SGCZ: variants seen among roughly 807,000 people sequenced by gnomAD.
The protein encoded by SGCZ is zeta-sarcoglycan.
In SGCZ, 40 loss-of-function variants were observed where a neutral mutation model predicts 41.3. The ratio of observed to expected loss-of-function variants is 0.97; its 90% CI spans 0.75 to 1.26. The LOEUF is 1.26. SGCZ is among the 50% of genes most tolerant of loss of function. SGCZ has a pLI of 0.00. For synonymous variants in SGCZ, 206 were observed against 137.5 expected, an observed-to-expected ratio of 1.50 and a Z score of -3.49; for missense variants, 552 against 369.8, an observed-to-expected ratio of 1.49 and a Z score of -4.04.
At chr8:15,031,906 T>A (rs1585492513) in intron 1 of SGCZ, among the ~76,000 whole-genome samples, 3 of 128,796 alleles carry the variant, frequency 2.3e-5, no homozygotes, top group African/African-American at 1.2e-4. Flanking sequence ...TATATTCCTC[T>A]CTCTCTCTCT....
At chr8:14,759,423 G>T (rs1193208671) in intron 1 of SGCZ, among the ~76,000 whole-genome samples, 1 of 152,002 alleles carries the variant, frequency 6.6e-6, no homozygotes, top group African/African-American at 2.4e-5. Flanking sequence ...TCCATTGTAG[G>T]TAGTCTCAAA....
At chr8:14,521,230 C>A (rs565865071) in intron 2 of SGCZ, among the ~76,000 whole-genome samples, 14 of 152,246 alleles carry the variant, frequency 9.2e-5, no homozygotes, top group African/African-American at 3.4e-4. Context: ...ACTCCATGAT[C>A]CCTGACAACC....
At chr8:14,214,227 G>A (rs1170970063) in intron 4 of SGCZ, among the ~76,000 whole-genome samples, 3 of 152,018 alleles carry the variant, frequency 2.0e-5, no homozygotes, top group Non-Finnish European at 4.4e-5. Flanking sequence ...CCCAATCGAA[G>A]GGCAGTCTAC....
In SGCZ at chr8:14,962,343, C is replaced by T. The variant is rs76082337; in HGVS notation, c.39+275242G>A. On this transcript the variant is annotated intron_variant, in intron 1 of 7. Transcript: ENST00000382080. ...ATGTTGATAGCTATTACCCTTTTAA[C>T]AAGGAATATGAAAAAAGGGGAAAAA... Among the ~76,000 whole-genome samples, 1,066 of 150,952 alleles carry T rather than the reference C, an allele frequency of 7.1e-3. 20 individuals carry two copies. The highest frequency in any genetic ancestry group is 0.024 in the African/African-American group (997 of 41,106).
intron 1 of SGCZ, among the ~76,000 whole-genome samples, chr8:15,206,364 A>G (rs934006742): frequency 6.6e-6 from 1 of 152,030 alleles, no homozygotes; most frequent in African/African-American, 2.4e-5. Context: ...TCTTGAGAGT[A>G]GTGACTTACC....
At chr8:14,418,461 G>A (rs938094983) in intron 2 of SGCZ, among the ~76,000 whole-genome samples, 3 of 151,888 alleles carry the variant, frequency 2.0e-5, no homozygotes, top group African/African-American at 7.2e-5. Context: ...TTGTCTTGCT[G>A]TCAGGAAGAT....
At chr8:14,714,491 T>C (rs1225561477) in intron 1 of SGCZ, among the ~76,000 whole-genome samples, 4 of 152,214 alleles carry the variant, frequency 2.6e-5, no homozygotes, top group Non-Finnish European at 5.9e-5. Flanking sequence ...GGAATATTTT[T>C]TTTCAGTGAA....
intron 1 of SGCZ, among the ~76,000 whole-genome samples, chr8:15,100,312 A>G (rs1806555626): frequency 1.3e-5 from 2 of 152,204 alleles, no homozygotes; most frequent in South Asian, 4.1e-4. Flanking sequence ...TCAGCACCAA[A>G]AAAATGTAAT....
In SGCZ at chr8:14,731,882, A is replaced by T. The variant is rs566644515; in HGVS notation, c.40-176956T>A. 5.7e-4 allele frequency among the ~76,000 whole-genome samples: 87 copies of T among 152,148 alleles called. 1 individual carries two copies. Among genetic ancestry groups the T allele is most frequent in the Middle Eastern group, 6.8e-3 (2 of 294 alleles). On this transcript the variant is annotated intron_variant, in intron 1 of 7. Transcript: ENST00000382080. The stretch of plus-strand genomic sequence containing the variant: ...GGTCTCCTTAAGCTCCCCACTCAAA[A>T]CACCTAGCAGATCTCTGACCTATTA...
chr8:14,597,927 C>T (rs748071625), intron 1 of SGCZ, among the ~76,000 whole-genome samples: 1 of 152,138 alleles, frequency 6.6e-6, no homozygotes, highest in Non-Finnish European at 1.5e-5. Flanking sequence ...TTGCTACAAC[C>T]ATCTCAATAT....
At chr8:14,839,909 T>G (rs1005109438) in intron 1 of SGCZ, among the ~76,000 whole-genome samples, 2 of 152,192 alleles carry the variant, frequency 1.3e-5, no homozygotes, top group Admixed American at 6.5e-5. Flanking sequence ...AGAAATGATA[T>G]TAACATTTTC....
At chr8:15,172,287 G>A (rs112237394) in intron 1 of SGCZ, among the ~76,000 whole-genome samples, 55,596 of 144,832 alleles carry the variant, frequency 0.38, 12,062 homozygotes, top group Non-Finnish European at 0.47. Flanking sequence ...TCAGCCTCCC[G>A]AGTAGCTGGG....
At chr8:14,913,969 T>A (rs1034827185) in intron 1 of SGCZ, among the ~76,000 whole-genome samples, 1 of 151,756 alleles carries the variant, frequency 6.6e-6, no homozygotes, top group South Asian at 2.1e-4. Context: ...AGAATCAAGT[T>A]TGTAGCATAA....
intron 1 of SGCZ, among the ~76,000 whole-genome samples, chr8:14,573,267 G>C (rs550936746): frequency 1.5e-3 from 214 of 142,056 alleles, no homozygotes; most frequent in African/African-American, 5.5e-3. Flanking sequence ...GCGCTGTCTC[G>C]GCTCACTGCA....
At chr8:14,136,543 C>G (rs986070804) in intron 5 of SGCZ, among the ~76,000 whole-genome samples, 5 of 152,188 alleles carry the variant, frequency 3.3e-5, no homozygotes, top group African/African-American at 1.2e-4. Flanking sequence ...GAGCCTTGCT[C>G]ACTGCTAGCA....
At chr8:14,474,613 T>G (rs114780080) in intron 2 of SGCZ, among the ~76,000 whole-genome samples, 1 of 152,148 alleles carries the variant, frequency 6.6e-6, no homozygotes, top group African/African-American at 2.4e-5. Context: ...TATAAAAAAT[T>G]AAAACATACA....
rs575179995 is a variant in SGCZ at position 14,441,527 on chromosome 8, A to G, written c.234+113205T>C. ...GAGGTGGAGGTTGCAGTAAGCCAAG[A>G]TCACGTCACTGCACTCCAGCCTGGT... is the stretch of plus-strand genomic sequence containing the variant. On this transcript the variant is annotated intron_variant, in intron 2 of 7. Transcript: ENST00000382080. Among the ~76,000 whole-genome samples the G allele has an allele frequency of 1.5e-3, 229 of 152,320 alleles. 1 individual carries two copies. The highest frequency in any genetic ancestry group is 2.6e-3 in the Non-Finnish European group (175 of 68,018).
chr8:14,745,350 C>T (rs1400567155), intron 1 of SGCZ, among the ~76,000 whole-genome samples: 1 of 152,138 alleles, frequency 6.6e-6, no homozygotes, highest in Non-Finnish European at 1.5e-5. Context: ...CTTTTGGAAG[C>T]TAGATCTGTA....
At chr8:14,869,383 C>A (rs374223412) in intron 1 of SGCZ, among the ~76,000 whole-genome samples, 59 of 152,232 alleles carry the variant, frequency 3.9e-4, no homozygotes, top group East Asian at 3.5e-3. Context: ...CGATGAAATT[C>A]AACACCGCTT....
Sources: allele counts gnomAD v4.1 joint callset (sites outside exome capture counted in the v4.1 genomes callset), GRCh38; gene constraint gnomAD v4.1.1; transcripts MANE v1.5; gene names NCBI Gene and HGNC (gene_info 2026-07-23, HGNC 2026-07-21).